The following TMEM156 variants were observed in gnomAD, a reference collection of about 807,000 sequenced individuals.
TMEM156 encodes the protein transmembrane protein 156.
A neutral mutation model predicts 30.5 loss-of-function variants in TMEM156; 28 were observed. That is an observed-to-expected ratio of 0.92 (90% CI 0.68 to 1.26). The LOEUF (loss-of-function observed/expected upper bound fraction) is 1.26, where lower values mean the gene tolerates loss of function less well. TMEM156 is among the 50% of genes most tolerant of loss of function. The pLI is 0.00. For missense variants in TMEM156, 351 were observed against 340.6 expected (o/e 1.03, Z -0.24); for synonymous variants, 137 against 119.9 (o/e 1.14, Z -0.93).
chr4:39,026,266 C>T (rs1233320170), intron 1 of TMEM156, among the ~76,000 whole-genome samples: 2 of 151,876 alleles, frequency 1.3e-5, no homozygotes, highest in Non-Finnish European at 2.9e-5. Flanking sequence ...AAAAGATATG[C>T]TACTCAGGAG....
chr4:39,012,730 A>G (rs1023952028), intron 1 of TMEM156, among the ~76,000 whole-genome samples: 14 of 152,120 alleles, frequency 9.2e-5, no homozygotes, highest in Non-Finnish European at 2.1e-4. Flanking sequence ...ACTTGAGGTC[A>G]GGAGTTTGAG....
rs114302754 is a variant in TMEM156 at position 39,018,455 on chromosome 4, A to G, written c.88+13771T>C. 3.3e-5 allele frequency among the ~76,000 whole-genome samples: 5 copies of G among 152,186 alleles called. No individual in the cohort carries two copies. In the South Asian group the frequency reaches 8.3e-4, roughly 25 times the overall value. Reference sequence around the variant, plus strand: ...TTTTTTCCCTGCCATTTCTTCTTGCATCTCTGCCCTTCCTTCTGGGATTAC... The same window carrying G: ...TTTTTTCCCTGCCATTTCTTCTTGCGTCTCTGCCCTTCCTTCTGGGATTAC... On this transcript the variant is annotated intron_variant, in intron 1 of 6. Coordinates refer to ENST00000381938, the MANE Select transcript of TMEM156 (RefSeq NM_024943.3).
chr4:39,025,138 C>T (rs557810314), intron 1 of TMEM156, among the ~76,000 whole-genome samples: 1 of 151,918 alleles, frequency 6.6e-6, no homozygotes, highest in African/African-American at 2.4e-5. Context: ...TGCCTAAACT[C>T]GGGAGTTTGA....
intron 5 of TMEM156, among the ~76,000 whole-genome samples, chr4:38,984,417 A>G (rs549171384): frequency 6.6e-6 from 1 of 151,906 alleles, no homozygotes; most frequent in South Asian, 2.1e-4. Flanking sequence ...GCATGAACAA[A>G]TGGAGAGACA....
intron 5 of TMEM156, among the ~76,000 whole-genome samples, chr4:38,982,977 T>G (rs1175941324): frequency 6.6e-6 from 1 of 152,182 alleles, no homozygotes. Context: ...CCCTGCTTCC[T>G]GGCACCTGGA....
chr4:39,024,319 G>T (rs1456237265), intron 1 of TMEM156, among the ~76,000 whole-genome samples: 5 of 152,170 alleles, frequency 3.3e-5, no homozygotes, highest in African/African-American at 1.2e-4. Flanking sequence ...ACAGGCATGA[G>T]CCACCATGCC....
chr4:39,028,918 A>G (rs184614766), intron 1 of TMEM156, among the ~76,000 whole-genome samples: 1 of 152,340 alleles, frequency 6.6e-6, no homozygotes, highest in East Asian at 1.9e-4. Flanking sequence ...TGCATACCCA[A>G]TGCAAACCCA....
At chr4:38,986,803 A>G (rs973341778) in intron 4 of TMEM156, among the ~76,000 whole-genome samples, 2 of 102,962 alleles carry the variant, frequency 1.9e-5, no homozygotes, top group Non-Finnish European at 1.8e-5. Flanking sequence ...GTGAGACTCC[A>G]TCTCAAAAAA....
chr4:38,983,768 A>T (rs1320604608), intron 5 of TMEM156, among the ~76,000 whole-genome samples: 1 of 152,192 alleles, frequency 6.6e-6, no homozygotes, highest in African/African-American at 2.4e-5. Flanking sequence ...TGATTCTTTG[A>T]TATCCATAGC....
chr4:39,014,903 T>C (rs1432013845), intron 1 of TMEM156, among the ~76,000 whole-genome samples: 1 of 152,178 alleles, frequency 6.6e-6, no homozygotes, highest in Non-Finnish European at 1.5e-5. Context: ...GTCTGTTTCT[T>C]GAAAGTTTGG....
At chr4:39,005,609 G>A (rs571767117) in intron 1 of TMEM156, among the ~76,000 whole-genome samples, 1 of 152,256 alleles carries the variant, frequency 6.6e-6, no homozygotes, top group South Asian at 2.1e-4. Context: ...TTTTAGGAGT[G>A]ATAGAAAGTG....
At chr4:39,016,789 T>A (rs1714513506) in intron 1 of TMEM156, among the ~76,000 whole-genome samples, 2 of 152,170 alleles carry the variant, frequency 1.3e-5, no homozygotes, top group Admixed American at 1.3e-4. Flanking sequence ...GGCTTGTTTT[T>A]ATAGTCTGGT....
intron 1 of TMEM156, among the ~76,000 whole-genome samples, chr4:39,029,632 T>C (rs1411744859): frequency 3.8e-5 from 1 of 26,154 alleles, no homozygotes; most frequent in Non-Finnish European, 6.3e-5. Flanking sequence ...GAGAATGGCG[T>C]GAACCCGGGA....
intron 1 of TMEM156, among the ~76,000 whole-genome samples, chr4:39,027,716 G>C (rs1163086989): frequency 6.7e-6 from 1 of 149,304 alleles, no homozygotes; most frequent in Admixed American, 6.7e-5. Flanking sequence ...CCACCACCAT[G>C]CCCAGCTAAT....
chr4:39,022,295 A>G (rs1236719983), intron 1 of TMEM156, among the ~76,000 whole-genome samples: 2 of 152,192 alleles, frequency 1.3e-5, no homozygotes, highest in African/African-American at 4.8e-5. Flanking sequence ...TTTCCTCAAA[A>G]CCAGACATAA....
At chr4:38,972,705 G>A (rs961069178) in intron 5 of TMEM156, among the ~76,000 whole-genome samples, 2 of 152,072 alleles carry the variant, frequency 1.3e-5, no homozygotes, top group Admixed American at 6.5e-5. Context: ...AACCTTTCAC[G>A]TGTGTAAGCG....
At chr4:39,004,434 AAAT>A (rs1187351652) in intron 1 of TMEM156, among the ~76,000 whole-genome samples, 6 of 152,160 alleles carry the variant, frequency 3.9e-5, no homozygotes, top group African/African-American at 1.4e-4. Flanking sequence ...TGTGCCAGTT[AAAT>A]AATAATAACT....
chr4:38,981,687 A>G (rs1711564118), intron 5 of TMEM156, among the ~76,000 whole-genome samples: 1 of 152,202 alleles, frequency 6.6e-6, no homozygotes, highest in Admixed American at 6.5e-5. Flanking sequence ...CAGTTTTCTC[A>G]TCAGGAAAAA....
In TMEM156 at chr4:39,013,321, G is replaced by A. The variant is rs1213675317; in HGVS notation, c.89-14412C>T. Among the ~76,000 whole-genome samples, 278 of 143,288 alleles carry A rather than the reference G, an allele frequency of 1.9e-3. 1 individual carries two copies. The highest frequency in any genetic ancestry group is 6.9e-3 in the African/African-American group (260 of 37,814). 94.0% of individuals were successfully genotyped at this position (143,288 alleles called of 152,430 possible). On this transcript the variant is annotated intron_variant, in intron 1 of 6. Transcript: ENST00000381938. The stretch of plus-strand genomic sequence containing the variant: ...AGAACCTGTCTCAAAAAAAAAAAAA[G>A]AAAGAAAGAAAAAGAAAACAAAGAA...
Sources: allele counts gnomAD v4.1 joint callset (sites outside exome capture counted in the v4.1 genomes callset), GRCh38; gene constraint gnomAD v4.1.1; transcripts MANE v1.5; gene names NCBI Gene and HGNC (gene_info 2026-07-23, HGNC 2026-07-21).